The following NRG3 variants were observed in gnomAD, a reference collection of about 807,000 sequenced individuals.
NRG3 encodes the protein neuregulin 3.
Under a neutral mutation model 66.9 loss-of-function variants are expected in NRG3, and 31 were observed. The observed-to-expected ratio is 0.46, with a 90% confidence interval of 0.35 to 0.63. The LOEUF is 0.63. NRG3 is among the 20% of genes least tolerant of loss of function. The pLI, the probability that NRG3 is intolerant of heterozygous loss-of-function variation, is 0.00. For missense variants in NRG3, 910 were observed against 878.9 expected (o/e 1.04, Z -0.45); for synonymous variants, 393 against 359.4 (o/e 1.09, Z -1.06).
At chr10:82,678,356 AG>A (rs1375012591) in intron 2 of NRG3, among the ~76,000 whole-genome samples, 2 of 151,816 alleles carry the variant, frequency 1.3e-5, no homozygotes, top group African/African-American at 4.8e-5. Context: ...TTACAGTCAA[AG>A]GGGGTTGTTC....
intron 1 of NRG3, among the ~76,000 whole-genome samples, chr10:81,999,422 C>G (rs1589733769): frequency 2.6e-5 from 4 of 152,158 alleles, no homozygotes; most frequent in Admixed American, 2.6e-4. Flanking sequence ...ACAGTCTTGG[C>G]CACATGAGCA....
intron 3 of NRG3, among the ~76,000 whole-genome samples, chr10:82,862,284 A>G (rs1192631545): frequency 6.6e-6 from 1 of 152,172 alleles, no homozygotes; most frequent in African/African-American, 2.4e-5. Flanking sequence ...CCCAGCACCA[A>G]AAGCACAAGA....
chr10:82,744,951 A>G (rs2058583046), intron 3 of NRG3, among the ~76,000 whole-genome samples: 1 of 152,252 alleles, frequency 6.6e-6, no homozygotes, highest in East Asian at 1.9e-4. Context: ...TACACAGTGT[A>G]CAAGGCACTG....
intron 1 of NRG3, among the ~76,000 whole-genome samples, chr10:82,339,214 G>A (rs2082550841): frequency 6.6e-6 from 1 of 152,080 alleles, no homozygotes; most frequent in South Asian, 2.1e-4. Flanking sequence ...GACATTTTAG[G>A]GGTTAATGCT....
intron 1 of NRG3, among the ~76,000 whole-genome samples, chr10:82,026,409 G>A (rs1321105564): frequency 1.3e-5 from 2 of 152,016 alleles, no homozygotes; most frequent in Admixed American, 6.6e-5. Context: ...TATAAAAGAT[G>A]GAGTGCTAGA....
intron 1 of NRG3, chr10:82,232,723 A>G (rs1335227684): frequency 1.4e-6 from 1 of 717,124 alleles, no homozygotes; most frequent in Non-Finnish European, 2.6e-6. Context: ...CGAGAAAATA[A>G]AGTATTTTCT....
intron 2 of NRG3, 127 bp downstream of exon 2, chr10:82,358,995 T>C: frequency 7.6e-7 from 1 of 1,317,848 alleles, no homozygotes; most frequent in South Asian, 1.4e-5. Flanking sequence ...AATAGCAGAA[T>C]TGCGAGTCTT....
In NRG3 at chr10:81,881,791, G is replaced by A. The variant is rs148943804; in HGVS notation, c.823+5628G>A. 3.5e-3 allele frequency among the ~76,000 whole-genome samples: 530 copies of A among 151,990 alleles called. 1 individual carries two copies. Among genetic ancestry groups the A allele is most frequent in the African/African-American group, 0.012 (489 of 41,482 alleles). On this transcript the variant is annotated intron_variant, in intron 1 of 8. Transcript: ENST00000372141. ...GTATGTGTCTACTGGTTTAAGCTTA[G>A]CATCTTTGCTTTTCTTTTTTTTTTA... is the stretch of plus-strand genomic sequence containing the variant.
intron 2 of NRG3, among the ~76,000 whole-genome samples, chr10:82,592,409 T>C (rs763829189): frequency 1.3e-5 from 2 of 152,198 alleles, no homozygotes; most frequent in Admixed American, 6.5e-5. Flanking sequence ...TCCTCTTACA[T>C]TTCACTGGCT....
At chr10:82,189,269 G>A (rs1427853772) in intron 1 of NRG3, among the ~76,000 whole-genome samples, 1 of 152,094 alleles carries the variant, frequency 6.6e-6, no homozygotes, top group Non-Finnish European at 1.5e-5. Context: ...ATAAATCAGA[G>A]ATTTTACCAA....
chr10:82,865,837 G>GTCGGTTTTTAAATA (rs2135950757), intron 4 of NRG3, among the ~76,000 whole-genome samples: 1 of 152,250 alleles, frequency 6.6e-6, no homozygotes, highest in South Asian at 2.1e-4. Context: ...GTTTTTAAAT[G>GTCGGTTTTTAAATA]TCAGTTTTTA....
intron 2 of NRG3, among the ~76,000 whole-genome samples, chr10:82,684,123 T>C (rs535271321): frequency 6.6e-6 from 1 of 152,282 alleles, no homozygotes; most frequent in South Asian, 2.1e-4. Flanking sequence ...TCCTATTATC[T>C]TTAGATACAA....
intron 1 of NRG3, among the ~76,000 whole-genome samples, chr10:82,263,143 A>G (rs188251798): frequency 1.3e-5 from 2 of 152,340 alleles, no homozygotes; most frequent in Admixed American, 6.5e-5. Flanking sequence ...GGGACTTAAT[A>G]AAGCAATTTA....
At chr10:82,428,336 T>C (rs1158547980) in intron 2 of NRG3, among the ~76,000 whole-genome samples, 1 of 151,618 alleles carries the variant, frequency 6.6e-6, no homozygotes, top group Non-Finnish European at 1.5e-5. Flanking sequence ...TATTAATACT[T>C]TACTAAGCAC....
intron 1 of NRG3, among the ~76,000 whole-genome samples, chr10:82,033,865 A>G (rs747115115): frequency 6.6e-6 from 1 of 152,150 alleles, no homozygotes; most frequent in Non-Finnish European, 1.5e-5. Flanking sequence ...ACTAATTTAT[A>G]TTAGTGAAAT....
chr10:82,346,094 A>C (rs2083002797), intron 1 of NRG3, among the ~76,000 whole-genome samples: 1 of 147,172 alleles, frequency 6.8e-6, no homozygotes, highest in Admixed American at 6.7e-5. Flanking sequence ...AGAACTTCCA[A>C]CACTATGTTG....
rs536631965 is a variant in NRG3, at chr10:82,137,063, G to T, written c.824-221676G>T. On this transcript the variant is annotated intron_variant, in intron 1 of 8. Transcript: ENST00000372141. ...TTGTTTTTTCTGGAGGTGCTTTCTTGTGTGGATAGTTGTTCAATTTGATGT... is the reference window on the plus strand; with the variant it reads ...TTGTTTTTTCTGGAGGTGCTTTCTTTTGTGGATAGTTGTTCAATTTGATGT... Among the ~76,000 whole-genome samples the T allele has an allele frequency of 2.0e-5, 3 of 152,272 alleles. No individual in the cohort carries two copies. The South Asian group carries it at 6.2e-4, about 32-fold the overall frequency.
chr10:82,805,653 A>T (rs564138828), intron 3 of NRG3, among the ~76,000 whole-genome samples: 1 of 152,170 alleles, frequency 6.6e-6, no homozygotes, highest in African/African-American at 2.4e-5. Flanking sequence ...CACATGAGTT[A>T]AGAGGCTGAT....
At chr10:82,687,384 T>C (rs1307322463) in intron 2 of NRG3, among the ~76,000 whole-genome samples, 1 of 152,120 alleles carries the variant, frequency 6.6e-6, no homozygotes, top group Non-Finnish European at 1.5e-5. Flanking sequence ...CACCTTTGTT[T>C]CCTCAACCAT....
Sources: allele counts gnomAD v4.1 joint callset (sites outside exome capture counted in the v4.1 genomes callset), GRCh38; gene constraint gnomAD v4.1.1; transcripts MANE v1.5; gene names NCBI Gene and HGNC (gene_info 2026-07-23, HGNC 2026-07-21).